The following CEP170 variants were observed in gnomAD, a reference collection of about 807,000 sequenced individuals.
The protein encoded by CEP170 is centrosomal protein of 170 kDa.
CEP170 carries 21 observed loss-of-function variants against 151.9 expected under a neutral mutation model. That is an observed-to-expected ratio of 0.14 (90% CI 0.10 to 0.20). The LOEUF (loss-of-function observed/expected upper bound fraction) is 0.20, where lower values mean the gene tolerates loss of function less well. Among genes scored for constraint, CEP170 ranks in the 10% least tolerant of loss-of-function variants. The probability of loss-of-function intolerance (pLI) is 1.00; values close to 1 mark genes in which losing one functional copy is unlikely to be tolerated. For missense variants in CEP170, 964 were observed against 1,892.9 expected, an observed-to-expected ratio of 0.51 and a Z score of 9.11; for synonymous variants, 356 against 648.8, an observed-to-expected ratio of 0.55 and a Z score of 6.86.
chr1:243,153,103 C>T (rs2057260831), intron 14 of CEP170, among the ~76,000 whole-genome samples: 11 of 152,130 alleles, frequency 7.2e-5, no homozygotes, highest in Admixed American at 6.6e-4. Flanking sequence ...GAAGTCACTG[C>T]AGATATGGTG....
In CEP170 at chr1:243,236,729, T is replaced by C. The variant is rs184206926; in HGVS notation, c.-41-11408A>G. On this transcript the variant is annotated intron_variant, in intron 1 of 19. Coordinates refer to ENST00000366542, the MANE Select transcript of CEP170 (RefSeq NM_014812.3). ...AAAAAACTGTCAGATCATAGAGCAC[T>C]AGGAGCAGGAAAAGCCACACAAAGC... 1.1e-3 allele frequency among the ~76,000 whole-genome samples: 174 copies of C among 152,238 alleles called. 1 individual carries two copies. The highest frequency in any genetic ancestry group is 1.9e-3 in the Non-Finnish European group (127 of 67,996).
At chr1:243,133,357 T>C (rs1258495895) in intron 17 of CEP170, among the ~76,000 whole-genome samples, 1 of 152,288 alleles carries the variant, frequency 6.6e-6, no homozygotes, top group Non-Finnish European at 1.5e-5. Flanking sequence ...AATGAATGAA[T>C]GAGTCTGGAG....
At chr1:243,197,724 T>C (rs1217067238) in intron 7 of CEP170, among the ~76,000 whole-genome samples, 1 of 152,014 alleles carries the variant, frequency 6.6e-6, no homozygotes, top group Admixed American at 6.6e-5. Context: ...GACGACATTG[T>C]TGAGATGCTG....
intron 19 of CEP170, among the ~76,000 whole-genome samples, chr1:243,127,340 G>A (rs2105146): frequency 0.1 from 15,801 of 152,148 alleles, 2,002 homozygotes; most frequent in African/African-American, 0.29. Context: ...TATGGAAGGG[G>A]TCAGTTAAAG....
intron 3 of CEP170, among the ~76,000 whole-genome samples, chr1:243,214,087 T>C (rs1193665293): frequency 2.0e-5 from 3 of 152,154 alleles, no homozygotes; most frequent in Non-Finnish European, 4.4e-5. Flanking sequence ...CCAATACTTA[T>C]TTGATATAGT....
At chr1:243,149,084 A>T (rs1303932298) in intron 14 of CEP170, among the ~76,000 whole-genome samples, 1 of 152,224 alleles carries the variant, frequency 6.6e-6, no homozygotes, top group East Asian at 1.9e-4. Flanking sequence ...ATAGAGATTT[A>T]ATTTTTTTAA....
At chr1:243,245,434 T>C (rs1374749175) in intron 1 of CEP170, among the ~76,000 whole-genome samples, 1 of 151,744 alleles carries the variant, frequency 6.6e-6, no homozygotes, top group East Asian at 1.9e-4. Context: ...TAAAAAACCT[T>C]GGCCAGTGCG....
chr1:243,203,112 G>A (rs1294626142), intron 4 of CEP170, among the ~76,000 whole-genome samples: 7 of 152,156 alleles, frequency 4.6e-5, no homozygotes, highest in Admixed American at 2.0e-4. Flanking sequence ...GAACTCTGGT[G>A]TAACTGTGAG....
chr1:243,238,013 T>C (rs2064413772), intron 1 of CEP170, among the ~76,000 whole-genome samples: 1 of 152,246 alleles, frequency 6.6e-6, no homozygotes, highest in South Asian at 2.1e-4. Context: ...GGCAAGACTG[T>C]TCTTTCATAT....
intron 3 of CEP170, among the ~76,000 whole-genome samples, chr1:243,218,438 G>C (rs2062503790): frequency 6.6e-6 from 1 of 152,222 alleles, no homozygotes; most frequent in South Asian, 2.1e-4. Context: ...AACCTTCAAT[G>C]GGTTTGCAGG....
At chr1:243,199,499 A>T (rs914348548) in intron 6 of CEP170, among the ~76,000 whole-genome samples, 5 of 152,126 alleles carry the variant, frequency 3.3e-5, no homozygotes, top group African/African-American at 1.2e-4. Flanking sequence ...TGCTTGTAAC[A>T]AATGGCATTT....
intron 10 of CEP170, among the ~76,000 whole-genome samples, 170 bp from the exon 11 acceptor site, chr1:243,173,016 T>C (rs568840093): frequency 6.6e-6 from 1 of 152,156 alleles, no homozygotes; most frequent in South Asian, 2.1e-4. Context: ...CTAATTGTGA[T>C]AGCTAGAAAC....
chr1:243,139,153 G>A (rs1005398696), intron 16 of CEP170, among the ~76,000 whole-genome samples: 2 of 150,990 alleles, frequency 1.3e-5, no homozygotes, highest in African/African-American at 4.9e-5. Context: ...CCAGGCTGGA[G>A]TGCAGTGGTG....
intron 14 of CEP170, among the ~76,000 whole-genome samples, chr1:243,153,258 T>G (rs1433663716): frequency 1.3e-5 from 2 of 152,162 alleles, no homozygotes; most frequent in Non-Finnish European, 1.5e-5. Flanking sequence ...TGCAATAGAA[T>G]CTACTGGTGA....
chr1:243,252,410 G>C (rs2066021662), intron 1 of CEP170, among the ~76,000 whole-genome samples: 1 of 152,034 alleles, frequency 6.6e-6, no homozygotes, highest in South Asian at 2.1e-4. Flanking sequence ...TGACAAAAAA[G>C]CTTAAGCATA....
chr1:243,244,269 A>G (rs1258681368), intron 1 of CEP170, among the ~76,000 whole-genome samples: 2 of 152,028 alleles, frequency 1.3e-5, no homozygotes, highest in African/African-American at 4.8e-5. Context: ...GTGAAATTCA[A>G]CTGTCCTGTA....
intron 3 of CEP170, among the ~76,000 whole-genome samples, chr1:243,219,055 G>A (rs2062564393): frequency 1.3e-5 from 2 of 152,148 alleles, no homozygotes; most frequent in African/African-American, 4.8e-5. Flanking sequence ...CATGATAGTT[G>A]GTAGTTCATA....
At position 243,191,337 on chromosome 1, in the gene CEP170, T is replaced by G; in HGVS notation, c.789A>C (p.Pro263=). ...TATGGGAACTTGGCGTGTCTTTTGTTGGGATTTCATGAATAGTGCTTTCTG... is the reference window on the plus strand; with the variant it reads ...TATGGGAACTTGGCGTGTCTTTTGTGGGGATTTCATGAATAGTGCTTTCTG... The part of the protein sequence containing the change: ...QITESTIHEI[P]TKDTPSSHIT... Residue 263 remains proline (P), a synonymous_variant, in exon 8 of 20, where the codon CCA becomes CCC. Coordinates refer to ENST00000366542, the MANE Select transcript of CEP170 (RefSeq NM_014812.3). The G allele has an allele frequency of 1.2e-6, 2 of 1,613,142 alleles. No homozygotes were observed. Among genetic ancestry groups the G allele is most frequent in the Non-Finnish European group, 1.7e-6 (2 of 1,179,538 alleles).
intron 1 of CEP170, among the ~76,000 whole-genome samples, chr1:243,235,934 T>G (rs1027003834): frequency 1.2e-4 from 18 of 152,202 alleles, no homozygotes; most frequent in African/African-American, 4.3e-4. Flanking sequence ...CTTGCTAGGT[T>G]TTCCCTGTCA....
Sources: allele counts gnomAD v4.1 joint callset (sites outside exome capture counted in the v4.1 genomes callset), GRCh38; gene constraint gnomAD v4.1.1; transcripts MANE v1.5; gene names NCBI Gene and HGNC (gene_info 2026-07-23, HGNC 2026-07-21).